The following TMEM245 variants were observed in gnomAD, a reference collection of about 807,000 sequenced individuals.
TMEM245 encodes the protein protein CG-2.
In TMEM245, 69 loss-of-function variants were observed where a neutral mutation model predicts 101.2. The observed-to-expected ratio is 0.68, with a 90% CI of 0.56 to 0.83. TMEM245 has a LOEUF of 0.83. Among genes scored for constraint, TMEM245 ranks in the 40% least tolerant of loss-of-function variants. The pLI, the probability that TMEM245 is intolerant of heterozygous loss-of-function variation, is 0.00. For missense variants in TMEM245, 1,075 were observed against 1,092.8 expected, an observed-to-expected ratio of 0.98 and a Z score of 0.23; for synonymous variants, 537 against 449.8, an observed-to-expected ratio of 1.19 and a Z score of -2.45.
At chr9:109,091,207 T>A in intron 4 of TMEM245, 52 bp from the exon 5 acceptor site, 1 of 1,495,262 alleles carries the variant, frequency 6.7e-7, no homozygotes, top group Non-Finnish European at 9.2e-7. Context: ...CATGAGGAAA[T>A]GGGAATACAG....
intron 14 of TMEM245, 82 bp downstream of exon 14, chr9:109,050,201 C>T: frequency 6.6e-7 from 1 of 1,514,878 alleles, no homozygotes; most frequent in East Asian, 2.3e-5. Flanking sequence ...TGAATGTTAT[C>T]AGGATGCTCA....
At chr9:109,041,859 G>A (rs961467962) in intron 14 of TMEM245, among the ~76,000 whole-genome samples, 9 of 151,630 alleles carry the variant, frequency 5.9e-5, no homozygotes, top group South Asian at 2.1e-4. Context: ...GGCTGGTTGC[G>A]GTAGTTCACA....
chr9:109,059,689 A>C (rs1828949446), intron 11 of TMEM245, among the ~76,000 whole-genome samples: 1 of 152,048 alleles, frequency 6.6e-6, no homozygotes, highest in Admixed American at 6.6e-5. Context: ...TGTCTCAAAA[A>C]ATAAATAAAT....
intron 3 of TMEM245, among the ~76,000 whole-genome samples, chr9:109,103,977 C>T (rs537328368): frequency 1.7e-4 from 26 of 151,710 alleles, no homozygotes; most frequent in Non-Finnish European, 3.5e-4. Flanking sequence ...CCCAGCTACT[C>T]GGGAGGCTGG....
intron 3 of TMEM245, among the ~76,000 whole-genome samples, chr9:109,104,414 T>C (rs1038782826): frequency 2.0e-5 from 3 of 152,098 alleles, no homozygotes; most frequent in East Asian, 1.9e-4. Context: ...CGCTCATAAA[T>C]TGTAAGGTTT....
chr9:109,110,242 T>C (rs763388718), intron 1 of TMEM245, among the ~76,000 whole-genome samples: 1 of 152,152 alleles, frequency 6.6e-6, no homozygotes, highest in Non-Finnish European at 1.5e-5. Context: ...AGTACACTTA[T>C]ATAACACTCC....
intron 7 of TMEM245, among the ~76,000 whole-genome samples, chr9:109,085,355 C>T (rs1176671658): frequency 6.6e-6 from 1 of 152,158 alleles, no homozygotes; most frequent in Non-Finnish European, 1.5e-5. Flanking sequence ...CTGGATTAGC[C>T]TTTATTGAAG....
intron 8 of TMEM245, among the ~76,000 whole-genome samples, 192 bp from the exon 9 acceptor site, chr9:109,073,630 A>C (rs1361872061): frequency 1.3e-5 from 2 of 152,238 alleles, no homozygotes; most frequent in African/African-American, 4.8e-5. Flanking sequence ...ACGGGAAATA[A>C]AAAGTACATG....
In TMEM245 at chr9:109,088,158, T is replaced by A. The variant is rs531462934; in HGVS notation, c.1151-816A>T. Among the ~76,000 whole-genome samples the A allele has an allele frequency of 5.3e-5, 8 of 152,364 alleles. No homozygotes were observed. In the East Asian group the frequency reaches 1.3e-3, roughly 26 times the overall value. ...TATCTCAATCAGTACATAATTTCCC[T>A]AACTCTAGAGATTTGTGTTCTTAGC... On this transcript the variant is annotated intron_variant, in intron 5 of 17. Transcript: ENST00000374586.
intron 8 of TMEM245, among the ~76,000 whole-genome samples, chr9:109,076,435 A>G (rs529422761): frequency 7.2e-4 from 109 of 151,988 alleles, no homozygotes; most frequent in Non-Finnish European, 1.4e-3. Flanking sequence ...AATGTAAATG[A>G]CGAGTTATTG....
chr9:109,070,180 C>T (rs879672089), intron 9 of TMEM245, among the ~76,000 whole-genome samples: 1 of 152,132 alleles, frequency 6.6e-6, no homozygotes, highest in African/African-American at 2.4e-5. Flanking sequence ...AAGATCCAAC[C>T]CAGACCTCTC....
At chr9:109,020,633 T>C in intron 17 of TMEM245, 128 bp from the exon 18 acceptor site, 1 of 817,588 alleles carries the variant, frequency 1.2e-6, no homozygotes, top group Non-Finnish European at 1.9e-6. Flanking sequence ...TGAGTATTGT[T>C]TCAAAGTCTG....
intron 14 of TMEM245, among the ~76,000 whole-genome samples, chr9:109,043,469 C>A (rs1828378960): frequency 6.6e-6 from 1 of 152,308 alleles, no homozygotes; most frequent in East Asian, 1.9e-4. Flanking sequence ...TATACGCTTC[C>A]TCCACCTTTA....
intron 12 of TMEM245, 81 bp from the exon 13 acceptor site, chr9:109,050,773 A>T: frequency 6.7e-7 from 1 of 1,496,270 alleles, no homozygotes; most frequent in Non-Finnish European, 9.2e-7. Flanking sequence ...CTTTTAATAC[A>T]GTGTTTTAGT....
In TMEM245 at chr9:109,017,650, G is replaced by A. The variant is rs1290724861; in HGVS notation, c.*2810C>T. 1 of 152,180 alleles carries A rather than the reference G, an allele frequency of 6.6e-6. No homozygotes were observed. Among genetic ancestry groups the A allele is most frequent in the Non-Finnish European group, 1.5e-5 (1 of 68,040 alleles). 9.4% of individuals were successfully genotyped at this position (152,180 alleles called of 1,614,324 possible). A position where few individuals can be genotyped will look rare whatever the true frequency, so the allele number is the denominator to read the frequency against. ...ATGCAAGATATTATGACCAAGTTCTGTACTCCGTTTTTACTGAAATGACTT... is the reference window on the plus strand; with the variant it reads ...ATGCAAGATATTATGACCAAGTTCTATACTCCGTTTTTACTGAAATGACTT... On this transcript the variant is annotated 3_prime_UTR_variant, in exon 18 of 18. Transcript: ENST00000374586.
At chr9:109,055,885 C>A (rs1265053868) in intron 12 of TMEM245, among the ~76,000 whole-genome samples, 1 of 152,162 alleles carries the variant, frequency 6.6e-6, no homozygotes, top group Admixed American at 6.5e-5. Context: ...CCACCCGCCT[C>A]GGCCTCCCAA....
rs1370264819 is a variant in TMEM245 at position 109,020,391 on chromosome 9, G to T, written c.*69C>A. The T allele has an allele frequency of 6.7e-6, 10 of 1,485,290 alleles. No individual in the cohort carries two copies. The highest frequency in any genetic ancestry group is 9.4e-6 in the Non-Finnish European group (10 of 1,062,586). The allele number at this position is 1,485,290 out of a possible 1,614,324, so 92.0% of individuals were successfully genotyped here. ...GCTAGGCACAGCTGGAAGGGCAGAG[G>T]GCCACAGCTGAGCTGAACTCGCTGT... On this transcript the variant is annotated 3_prime_UTR_variant, in exon 18 of 18. Coordinates refer to ENST00000374586, the MANE Select transcript of TMEM245 (RefSeq NM_032012.4).
chr9:109,038,703 T>C (rs977630380), intron 14 of TMEM245: 2 of 152,260 alleles, frequency 1.3e-5, no homozygotes, highest in African/African-American at 4.8e-5. Context: ...GGAGAGAATT[T>C]GTGGGAAAAA....
intron 17 of TMEM245, among the ~76,000 whole-genome samples, chr9:109,024,744 G>C (rs1056929613): frequency 6.6e-6 from 1 of 152,126 alleles, no homozygotes; most frequent in South Asian, 2.1e-4. Flanking sequence ...ACTAAAACAA[G>C]TTCAATACAG....
Sources: gnomAD v4.1 joint callset for allele counts (sites outside exome capture counted in the v4.1 genomes callset) on GRCh38, gnomAD v4.1.1 for gene constraint, MANE v1.5 for transcripts, NCBI Gene and HGNC (gene_info 2026-07-23, HGNC 2026-07-21) for gene names.